The following CDH23 variants were observed in gnomAD, a reference collection of about 807,000 sequenced individuals.
CDH23 encodes cadherin-23.
A neutral mutation model predicts 317.1 loss-of-function variants in CDH23; 189 were observed. That is an observed-to-expected ratio of 0.60 (90% CI 0.53 to 0.67). The LOEUF is 0.67. CDH23 is among the 30% of genes least tolerant of loss of function. The probability of loss-of-function intolerance (pLI) is 0.00; values close to 1 mark genes in which losing one functional copy is unlikely to be tolerated. For missense variants in CDH23, 4,401 were observed against 4,592.4 expected (o/e 0.96, Z 1.20); for synonymous variants, 1,839 against 1,876.8 (o/e 0.98, Z 0.52).
intron 49 of CDH23, 68 bp from the exon 50 acceptor site, chr10:71,798,286 C>A: frequency 8.0e-7 from 1 of 1,252,780 alleles, no homozygotes; most frequent in Non-Finnish European, 1.2e-6. Context: ...TTGGCTGAGG[C>A]TAAGGAAGGC....
At chr10:71,527,151 C>T (rs1054639753) in intron 6 of CDH23, among the ~76,000 whole-genome samples, 1 of 152,216 alleles carries the variant, frequency 6.6e-6, no homozygotes, top group East Asian at 1.9e-4. Flanking sequence ...GGATGCCAGA[C>T]ACCTCTCTCA....
At chr10:71,437,780 C>T (rs1251242600) in intron 1 of CDH23, among the ~76,000 whole-genome samples, 1 of 152,180 alleles carries the variant, frequency 6.6e-6, no homozygotes, top group Non-Finnish European at 1.5e-5. Context: ...AAATCAGAAG[C>T]TCCGCCACAC....
chr10:71,492,989 A>G (rs10823767), intron 3 of CDH23, among the ~76,000 whole-genome samples: 110,148 of 151,924 alleles, frequency 0.73, 41,360 homozygotes, highest in African/African-American at 0.92. Flanking sequence ...GTGGAACCTC[A>G]GCGCCTGACT....
rs1192395239 is a variant in CDH23 at position 71,800,661 on chromosome 10, T to C, written c.7388T>C (p.Leu2463Pro). 5.0e-6 allele frequency: 8 copies of C among 1,613,998 alleles called. No individual in the cohort carries two copies. Among genetic ancestry groups the C allele is most frequent in the African/African-American group, 1.3e-5 (1 of 75,048 alleles). Residue 2463 changes from leucine (L) to proline (P), a missense_variant, in exon 53 of 70, where the codon CTG becomes CCG. By Grantham distance (98) the Leu-to-Pro change is moderately conservative. Around this residue, in one of 3 missense-constraint regions of CDH23, gnomAD observed 189 missense variants for 250.9 expected, o/e 0.75. Transcript: ENST00000224721. ...GGTGACATCTATGTGCTGTCTTCTC[T>C]GGACCGGGAGAAGAAGGACCACTAT... ...TTGDIYVLSS[L>P]DREKKDHYIL...
intron 52 of CDH23, among the ~76,000 whole-genome samples, 183 bp from the exon 53 acceptor site, chr10:71,800,453 G>C (rs1841525968): frequency 6.6e-6 from 1 of 152,162 alleles, no homozygotes; most frequent in South Asian, 2.1e-4. Context: ...CCCATCCCCA[G>C]GTAGGTTGGG....
At chr10:71,438,588 G>T (rs1401718804) in intron 1 of CDH23, among the ~76,000 whole-genome samples, 10 of 152,044 alleles carry the variant, frequency 6.6e-5, no homozygotes, top group African/African-American at 2.4e-4. Flanking sequence ...AGAATTAAGG[G>T]GTCCACGCTC....
At chr10:71,637,369 C>T (rs1862326375) in intron 11 of CDH23, among the ~76,000 whole-genome samples, 1 of 152,060 alleles carries the variant, frequency 6.6e-6, no homozygotes, top group South Asian at 2.1e-4. Flanking sequence ...TCCTCTCCTA[C>T]CCCCACTACT....
Position 71,643,559 on chromosome 10 carries a change from G to GC in CDH23, c.1135-294dup, listed in dbSNP as rs5786045. Among the ~76,000 whole-genome samples, 77,391 of 151,068 alleles carry GC rather than the reference G, an allele frequency of 0.51. 20,721 individuals carry two copies. The highest frequency in any genetic ancestry group is 0.62 in the Non-Finnish European group (41,631 of 67,692). ...AGAGATCAGGGAGACAGGAGCCCTT[G>GC]CCCCCCCCTCACCTCCTCACCCTTC... On this transcript the variant is annotated intron_variant, in intron 11 of 69. Coordinates refer to ENST00000224721, the MANE Select transcript of CDH23 (RefSeq NM_022124.6).
intron 2 of CDH23, among the ~76,000 whole-genome samples, chr10:71,440,924 C>A (rs991602191): frequency 1.3e-5 from 2 of 152,176 alleles, no homozygotes; most frequent in African/African-American, 4.8e-5. Flanking sequence ...GCTGCTGCAG[C>A]CTCGTGCTTG....
At chr10:71,704,205 T>C (rs1865694948) in intron 24 of CDH23, among the ~76,000 whole-genome samples, 1 of 152,224 alleles carries the variant, frequency 6.6e-6, no homozygotes, top group African/African-American at 2.4e-5. Context: ...CTGAGAGTCT[T>C]GGCTTAATCC....
At chr10:71,676,316 T>C (rs1452036057) in intron 15 of CDH23, among the ~76,000 whole-genome samples, 1 of 151,382 alleles carries the variant, frequency 6.6e-6, no homozygotes, top group Admixed American at 6.6e-5. Context: ...CAGCTATCCG[T>C]GGGAAGGATC....
intron 1 of CDH23, among the ~76,000 whole-genome samples, chr10:71,405,865 C>T (rs1848072653): frequency 6.6e-6 from 1 of 152,216 alleles, no homozygotes; most frequent in South Asian, 2.1e-4. Context: ...TCAGCCAATA[C>T]TGAGCATCAC....
rs756231829 is a variant in CDH23 at position 71,738,537 on chromosome 10, C to G, written c.4249C>G (p.Arg1417Gly). 2 of 1,613,976 alleles carry G rather than the reference C, an allele frequency of 1.2e-6. No homozygotes were observed. The highest frequency in any genetic ancestry group is 8.5e-7 in the Non-Finnish European group (1 of 1,179,898). ...GCTGGACGAGAATGACAACAGCCCCCGGTTTGACTTCACCTCCGACTCGGC... is the reference window on the plus strand; with the variant it reads ...GCTGGACGAGAATGACAACAGCCCCGGGTTTGACTTCACCTCCGACTCGGC... Reference protein sequence around the residue: ...TVLDENDNSPRFDFTSDSAVS... With the variant: ...TVLDENDNSPGFDFTSDSAVS... The change falls in exon 35 of 70, where the codon CGG becomes GGG. Residue 1417 changes from arginine to glycine, a missense_variant. Arg to Gly is a moderately radical substitution (Grantham distance 125). This residue lies in a region of CDH23 where 3,068 missense variants were observed against 3,203.3 expected (regional missense o/e 0.96). Transcript: ENST00000224721.
Position 71,793,510 on chromosome 10 carries a change from C to T in CDH23, c.6582C>T (p.Ala2194=), listed in dbSNP as rs754601602. 1.9e-6 allele frequency: 3 copies of T among 1,613,972 alleles called. No homozygotes were observed. The South Asian group carries it at 3.3e-5, about 18-fold the overall frequency. Residue 2194 remains alanine, a synonymous_variant, in exon 48 of 70, where the codon GCC becomes GCT. Transcript: ENST00000224721. The part of the protein sequence containing the change: ...LESAEPGTVI[A]NITAIDHDLN... ...CGGCTGAGCCAGGCACTGTCATTGC[C>T]AATATCACGGCCATTGACCACGACC...
At chr10:71,782,556 G>A (rs1840984922) in intron 41 of CDH23, among the ~76,000 whole-genome samples, 1 of 152,250 alleles carries the variant, frequency 6.6e-6, no homozygotes, top group Non-Finnish European at 1.5e-5. Flanking sequence ...GGATGGGGAA[G>A]TCTGGCCCCA....
intron 2 of CDH23, among the ~76,000 whole-genome samples, chr10:71,440,259 T>C (rs1232042128): frequency 6.6e-6 from 1 of 152,078 alleles, no homozygotes; most frequent in Non-Finnish European, 1.5e-5. Context: ...GCACCTACTG[T>C]TTGCACTGTG....
intron 38 of CDH23, chr10:71,748,573 A>C (rs1839910914): frequency 6.6e-6 from 1 of 152,230 alleles, no homozygotes; most frequent in African/African-American, 2.4e-5. Context: ...ATGGCCCCTA[A>C]TTCCTGATTG....
intron 48 of CDH23, chr10:71,796,173 C>T: frequency 2.5e-6 from 2 of 805,370 alleles, no homozygotes; most frequent in Non-Finnish European, 1.5e-6. Context: ...TACCCCTGTA[C>T]CTGAGAGGGA....
In CDH23 at chr10:71,403,444, CCTTCCTTCCTTTCCTTCCTTCCTTCCTT is replaced by C. The variant is rs1255933984; in HGVS notation, c.-6+6128_-6+6155del. On this transcript the variant is annotated intron_variant, in intron 1 of 69. Coordinates refer to ENST00000224721, the MANE Select transcript of CDH23 (RefSeq NM_022124.6). ...TCCTTCCTTCCTTCCTTCCTTCCTTCCTTCCTTCCTTTCCTTCCTTCCTTCCTTCCTTCCTTCCTTCCTTCCTTCCTTC... is the reference window on the plus strand; with the variant it reads ...TCCTTCCTTCCTTCCTTCCTTCCTTCCCTTCCTTCCTTCCTTCCTTCCTTC... 1.3e-4 allele frequency among the ~76,000 whole-genome samples: 10 copies of C among 76,692 alleles called. 1 individual carries two copies. The highest frequency in any genetic ancestry group is 8.2e-4 in the African/African-American group (9 of 10,980). The allele number at this position is 76,692 out of a possible 152,430, so 50.3% of individuals were successfully genotyped here. A position where few individuals can be genotyped will look rare whatever the true frequency, so the allele number is the denominator to read the frequency against.
Sources: gnomAD v4.1 joint callset for allele counts (sites outside exome capture counted in the v4.1 genomes callset) on GRCh38, gnomAD v4.1.1 for gene constraint, gnomAD v4.1.1 regional missense constraint, MANE v1.5 for transcripts, NCBI Gene and HGNC (gene_info 2026-07-23, HGNC 2026-07-21) for gene names.